IL1RAPL2: variants seen among roughly 807,000 people sequenced by gnomAD.
IL1RAPL2 encodes X-linked interleukin-1 receptor accessory protein-like 2.
Under a neutral mutation model 44.1 loss-of-function variants are expected in IL1RAPL2, and 3 were observed. The observed-to-expected ratio is 0.07, with a 90% confidence interval of 0.03 to 0.18. The LOEUF is 0.18. Among genes scored for constraint, IL1RAPL2 ranks in the 10% least tolerant of loss-of-function variants. The pLI, the probability that IL1RAPL2 is intolerant of heterozygous loss-of-function variation, is 1.00. For missense variants in IL1RAPL2, 391 were observed against 496.4 expected (o/e 0.79, Z 2.02); for synonymous variants, 181 against 178.8 (o/e 1.01, Z -0.10).
intron 5 of IL1RAPL2, among the ~76,000 whole-genome samples, chrX:105,399,303 G>A (rs2035588709): frequency 9.0e-6 from 1 of 110,974 alleles, no homozygotes; most frequent in African/African-American, 3.3e-5. Flanking sequence ...ATTTACTAAT[G>A]CCACTTGACT....
At chrX:104,618,024 T>C (rs888035765) in intron 1 of IL1RAPL2, among the ~76,000 whole-genome samples, 28 of 112,189 alleles carry the variant, frequency 2.5e-4, no homozygotes, top group African/African-American at 9.1e-4. Flanking sequence ...TCTTATTTTT[T>C]CCCTGTAATA....
intron 6 of IL1RAPL2, among the ~76,000 whole-genome samples, chrX:105,526,358 C>T (rs1442774073): frequency 9.0e-6 from 1 of 111,539 alleles, no homozygotes; most frequent in Non-Finnish European, 1.9e-5. Flanking sequence ...TGGGAGAACT[C>T]AGATTAAAAC....
chrX:105,267,712 G>A (rs947210862), intron 5 of IL1RAPL2, among the ~76,000 whole-genome samples, 171 bp downstream of exon 5: 1 of 111,408 alleles, frequency 9.0e-6, no homozygotes, highest in Admixed American at 9.6e-5. Flanking sequence ...AGCAATATAT[G>A]GAATATGAAA....
chrX:105,381,840 A>G (rs1196397387), intron 5 of IL1RAPL2, among the ~76,000 whole-genome samples: 1 of 111,885 alleles, frequency 8.9e-6, no homozygotes, highest in Admixed American at 9.5e-5. Flanking sequence ...CTGATCTTTG[A>G]CAAACCTGAC....
Position 104,774,932 on chromosome X carries a change from C to T in IL1RAPL2, c.82+115937C>T, listed in dbSNP as rs181039594. 3.9e-4 allele frequency among the ~76,000 whole-genome samples: 43 copies of T among 111,584 alleles called. 1 individual carries two copies. The highest frequency in any genetic ancestry group is 2.3e-3 in the East Asian group (8 of 3,522). On this transcript the variant is annotated intron_variant, in intron 2 of 10. Coordinates refer to ENST00000372582, the MANE Select transcript of IL1RAPL2 (RefSeq NM_017416.2). ...CCCTCTCATTTATTATGCTCTATTA[C>T]GTTCTTTTACCAGTCACGCTACAAG...
chrX:104,931,581 AG>A (rs1924899692), intron 2 of IL1RAPL2, among the ~76,000 whole-genome samples: 1 of 111,429 alleles, frequency 9.0e-6, no homozygotes, highest in Non-Finnish European at 1.9e-5. Context: ...TAGTAGCGAA[AG>A]CTGTGGTATT....
At chrX:105,523,557 A>G (rs73529006) in intron 6 of IL1RAPL2, among the ~76,000 whole-genome samples, 4 of 111,236 alleles carry the variant, frequency 3.6e-5, no homozygotes, top group African/African-American at 6.6e-5. Context: ...TGATTTGACA[A>G]TTGAAACAAA....
rs199593284 is a variant in IL1RAPL2, at chrX:105,659,680, AAAAT to A, written c.773-57679_773-57676del. Among the ~76,000 whole-genome samples the A allele has an allele frequency of 7.9e-3, 856 of 108,294 alleles. 9 individuals are homozygous for A. The highest frequency in any genetic ancestry group is 0.061 in the South Asian group (151 of 2,476). The allele number at this position is 108,294 out of a possible 115,157, so 94.0% of individuals were successfully genotyped here. On this transcript the variant is annotated intron_variant, in intron 6 of 10. Transcript: ENST00000372582. ...TCAAAAAAAATAAATAAAATAAAAA[AAAAT>A]AAATAAAAGAATAAAAAAAATTCTG...
intron 6 of IL1RAPL2, among the ~76,000 whole-genome samples, chrX:105,547,136 T>C (rs1333623226): frequency 8.9e-6 from 1 of 112,431 alleles, no homozygotes; most frequent in Non-Finnish European, 1.9e-5. Context: ...GCATAAATGT[T>C]ATTTTGCTTG....
chrX:105,195,565 G>T lies in IL1RAPL2; in HGVS notation c.173G>T (p.Ser58Ile), dbSNP rs1352629300. ...PVRVKCALFY[S>I]YIRTNYSTAQ... ...CGAGTGAAATGTGCCCTTTTCTACA[G>T]TTATATTCGTACCAACTATAGCACG... The change falls in exon 3 of 11, where the codon AGT (serine) becomes ATT (isoleucine). Residue 58 changes from serine to isoleucine, a missense_variant. By Grantham distance (142) the Ser-to-Ile change is moderately radical (BLOSUM62 -2). Transcript: ENST00000372582. The T allele has an allele frequency of 8.3e-7, 1 of 1,210,421 alleles. No homozygotes were observed. The highest frequency in any genetic ancestry group is 1.7e-5 in the African/African-American group (1 of 57,385).
At chrX:104,840,336 A>G (rs1921866148) in intron 2 of IL1RAPL2, among the ~76,000 whole-genome samples, 1 of 112,126 alleles carries the variant, frequency 8.9e-6, no homozygotes, top group African/African-American at 3.2e-5. Flanking sequence ...AGAGTCATTC[A>G]GGAGCAGGTT....
intron 2 of IL1RAPL2, among the ~76,000 whole-genome samples, chrX:104,953,776 A>G (rs917655585): frequency 8.9e-6 from 1 of 111,978 alleles, no homozygotes; most frequent in South Asian, 3.7e-4. Flanking sequence ...GGTGATGTGA[A>G]TCATAAATTT....
At chrX:105,710,267 A>G (rs1352916823) in intron 6 of IL1RAPL2, among the ~76,000 whole-genome samples, 1 of 103,615 alleles carries the variant, frequency 9.7e-6, no homozygotes, top group Non-Finnish European at 2.0e-5. Context: ...TTACTCAAGT[A>G]TTTTCTCCTG....
intron 6 of IL1RAPL2, among the ~76,000 whole-genome samples, chrX:105,705,891 G>GAAAT (rs1915510426): frequency 9.0e-6 from 1 of 111,640 alleles, no homozygotes; most frequent in Admixed American, 9.6e-5. Context: ...TAAAAGCTTA[G>GAAAT]AAATACAAAA....
At chrX:105,627,845 G>A (rs192281915) in intron 6 of IL1RAPL2, among the ~76,000 whole-genome samples, 20 of 112,000 alleles carry the variant, frequency 1.8e-4, no homozygotes, top group African/African-American at 6.2e-4. Context: ...AATTAAAGAA[G>A]CTAGGTGGCT....
chrX:105,592,315 GGT>G (rs1253225819), intron 6 of IL1RAPL2, among the ~76,000 whole-genome samples: 1 of 111,443 alleles, frequency 9.0e-6, no homozygotes, highest in Non-Finnish European at 1.9e-5. Context: ...TGAGTCTATG[GGT>G]GTCATTGCCT....
chrX:104,674,240 A>G (rs1353110818), intron 2 of IL1RAPL2, among the ~76,000 whole-genome samples: 2 of 111,760 alleles, frequency 1.8e-5, no homozygotes, highest in African/African-American at 6.5e-5. Context: ...TGGGTTTGTC[A>G]TAGATAGCTC....
chrX:104,676,540 C>T (rs1425853569), intron 2 of IL1RAPL2, among the ~76,000 whole-genome samples: 2 of 111,669 alleles, frequency 1.8e-5, no homozygotes, highest in Non-Finnish European at 1.9e-5. Flanking sequence ...ACATTTTTTC[C>T]TTCATTTCAA....
At chrX:105,417,173 A>G (rs772013161) in intron 5 of IL1RAPL2, among the ~76,000 whole-genome samples, 43 of 112,667 alleles carry the variant, frequency 3.8e-4, no homozygotes, top group African/African-American at 1.3e-3. Context: ...TTAGATTTGT[A>G]TAAGATTTAT....
Sources: gnomAD v4.1 joint callset for allele counts (sites outside exome capture counted in the v4.1 genomes callset) on GRCh38, gnomAD v4.1.1 for gene constraint, MANE v1.5 for transcripts, NCBI Gene and HGNC (gene_info 2026-07-23, HGNC 2026-07-21) for gene names.